The following C1QTNF3 variants were observed in gnomAD, a reference collection of about 807,000 sequenced individuals.
C1QTNF3 encodes the protein C1q and TNF related 3.
A neutral mutation model predicts 32.6 loss-of-function variants in C1QTNF3; 26 were observed. The ratio of observed to expected loss-of-function variants is 0.80; its 90% CI spans 0.58 to 1.11. The LOEUF (loss-of-function observed/expected upper bound fraction) is 1.11, where lower values mean the gene tolerates loss of function less well. Ranked by LOEUF, C1QTNF3 falls within the 50% of genes least tolerant of loss-of-function variation. The pLI, the probability that C1QTNF3 is intolerant of heterozygous loss-of-function variation, is 0.00. For synonymous variants in C1QTNF3, 155 were observed against 146.0 expected (o/e 1.06, Z -0.44); for missense variants, 362 against 398.2 (o/e 0.91, Z 0.77).
At chr5:34,177,235 C>CAT in the C1QTNF3 span, among the ~76,000 whole-genome samples, 2 of 152,168 alleles carry the variant, frequency 1.3e-5, no homozygotes, top group Non-Finnish European at 2.9e-5. Context: ...TTAACCTAGT[C>CAT]ATATATCAAG....
rs1754687572 is a variant in C1QTNF3, at chr5:34,034,383, A to C, written c.416-925T>G. ...TGAAGTTTTCTACAAAAAACACATC[A>C]CTTTTATAACTGGGGAAAAGGTAAA... On this transcript the variant is annotated intron_variant, in intron 2 of 5. Coordinates refer to ENST00000382065, the MANE Select transcript of C1QTNF3 (RefSeq NM_181435.6). 3.3e-5 allele frequency among the ~76,000 whole-genome samples: 5 copies of C among 152,360 alleles called. No individual in the cohort carries two copies. In the South Asian group the frequency reaches 1.0e-3, roughly 32 times the overall value.
the C1QTNF3 span, among the ~76,000 whole-genome samples, chr5:34,091,797 C>T: frequency 6.6e-6 from 1 of 151,706 alleles, no homozygotes; most frequent in African/African-American, 2.4e-5. Flanking sequence ...ATGAATAACA[C>T]TAGTTTAACT....
the C1QTNF3 span, among the ~76,000 whole-genome samples, chr5:34,230,466 T>A: frequency 6.6e-6 from 1 of 152,176 alleles, no homozygotes; most frequent in African/African-American, 2.4e-5. Context: ...ATCTTAGTCA[T>A]GATTTCTATC....
the C1QTNF3 span, among the ~76,000 whole-genome samples, chr5:34,234,173 A>G: frequency 6.6e-6 from 1 of 152,186 alleles, no homozygotes; most frequent in Non-Finnish European, 1.5e-5. Context: ...TTACTGTATT[A>G]TAATGCTAGC....
chr5:34,067,343 A>G, the C1QTNF3 span, among the ~76,000 whole-genome samples: 4 of 152,184 alleles, frequency 2.6e-5, no homozygotes, highest in African/African-American at 9.7e-5. Flanking sequence ...ACTAGTACCA[A>G]TTTGCTGTAT....
intron 4 of C1QTNF3, among the ~76,000 whole-genome samples, chr5:34,025,680 T>C (rs1180528890): frequency 2.0e-5 from 3 of 152,164 alleles, no homozygotes; most frequent in Non-Finnish European, 4.4e-5. Context: ...CAAATGACAG[T>C]TGGTATCACT....
chr5:34,221,076 G>A, the C1QTNF3 span, among the ~76,000 whole-genome samples: 4 of 152,068 alleles, frequency 2.6e-5, no homozygotes, highest in African/African-American at 7.2e-5. Context: ...CTTGAAGAGC[G>A]ATCTGTGTCC....
chr5:34,095,009 T>A, the C1QTNF3 span, among the ~76,000 whole-genome samples: 1 of 151,796 alleles, frequency 6.6e-6, no homozygotes, highest in East Asian at 1.9e-4. Flanking sequence ...GTCACATGTA[T>A]ATAATGCACA....
At chr5:34,032,195 T>C (rs1274339579) in intron 3 of C1QTNF3, among the ~76,000 whole-genome samples, 5 of 152,214 alleles carry the variant, frequency 3.3e-5, no homozygotes, top group African/African-American at 1.2e-4. Flanking sequence ...TTTCAAAATA[T>C]TAGCCCTCCT....
chr5:34,208,275 T>A, the C1QTNF3 span, among the ~76,000 whole-genome samples: 2 of 152,392 alleles, frequency 1.3e-5, no homozygotes, highest in South Asian at 4.1e-4. Flanking sequence ...TTGCCCCTGT[T>A]ATAACAATCT....
At chr5:34,028,119 C>G (rs1754520596) in intron 4 of C1QTNF3, among the ~76,000 whole-genome samples, 1 of 152,080 alleles carries the variant, frequency 6.6e-6, no homozygotes, top group Non-Finnish European at 1.5e-5. Context: ...ACTACAGGCG[C>G]CCGCCACCAC....
chr5:34,117,992 A>G, the C1QTNF3 span, among the ~76,000 whole-genome samples: 1 of 152,196 alleles, frequency 6.6e-6, no homozygotes, highest in African/African-American at 2.4e-5. Context: ...ACTTCATCTT[A>G]TATTTTTTGT....
At chr5:34,176,011 A>G in the C1QTNF3 span, 3 of 694,820 alleles carry the variant, frequency 4.3e-6, no homozygotes, top group African/African-American at 3.6e-5. Context: ...TAAATGTTAG[A>G]TAAAAATAAA....
the C1QTNF3 span, among the ~76,000 whole-genome samples, chr5:34,206,974 T>A: frequency 2.6e-5 from 4 of 152,226 alleles, no homozygotes. Context: ...TGTGTTCATG[T>A]CTTAAGAGTG....
At chr5:34,047,117 C>A (rs1441650584), upstream of C1QTNF3, among the ~76,000 whole-genome samples, 1 of 152,164 alleles carries the variant, frequency 6.6e-6, no homozygotes, top group Non-Finnish European at 1.5e-5. Flanking sequence ...CCCAGGCAAC[C>A]TCCCTGGAGG....
At chr5:34,168,161 C>T in the C1QTNF3 span, 1 of 151,672 alleles carries the variant, frequency 6.6e-6, no homozygotes, top group African/African-American at 2.4e-5. Context: ...TCCTGTGATG[C>T]TTTTAAATTT....
At chr5:34,087,956 C>T in the C1QTNF3 span, among the ~76,000 whole-genome samples, 7 of 152,094 alleles carry the variant, frequency 4.6e-5, no homozygotes, top group Admixed American at 6.5e-5. Flanking sequence ...TTAAATTATC[C>T]GCATATATTT....
the C1QTNF3 span, among the ~76,000 whole-genome samples, chr5:34,082,888 G>C: frequency 6.6e-6 from 1 of 151,732 alleles, no homozygotes; most frequent in African/African-American, 2.4e-5. Context: ...ATGTACATAT[G>C]TTTCATAGTG....
the C1QTNF3 span, among the ~76,000 whole-genome samples, chr5:34,182,268 G>A: frequency 6.6e-6 from 1 of 152,322 alleles, no homozygotes; most frequent in East Asian, 1.9e-4. Flanking sequence ...ATCCGCCCGC[G>A]TCAGCCTCCC....
Sources: allele counts gnomAD v4.1 joint callset (sites outside exome capture counted in the v4.1 genomes callset), GRCh38; gene constraint gnomAD v4.1.1; transcripts MANE v1.5; gene names NCBI Gene and HGNC (gene_info 2026-07-23, HGNC 2026-07-21).